Variants in NCF2 observed in about 807,000 individuals in gnomAD.
NCF2 encodes neutrophil cytosol factor 2.
NCF2 carries 45 observed loss-of-function variants against 70.9 expected under a neutral mutation model. The ratio of observed to expected loss-of-function variants is 0.63; its 90% CI spans 0.50 to 0.81. The LOEUF (loss-of-function observed/expected upper bound fraction) is 0.81, where lower values mean the gene tolerates loss of function less well. NCF2 is among the 40% of genes least tolerant of loss of function. The probability of loss-of-function intolerance (pLI) is 0.00; values close to 1 mark genes in which losing one functional copy is unlikely to be tolerated. For missense variants in NCF2, 522 were observed against 631.6 expected, an observed-to-expected ratio of 0.83 and a Z score of 1.86; for synonymous variants, 203 against 233.6, an observed-to-expected ratio of 0.87 and a Z score of 1.19.
chr1:183,599,470 C>CTTTCTTTCTTTCTTTCTTTCTTTCTCT, the NCF2 span, among the ~76,000 whole-genome samples: 2 of 137,152 alleles, frequency 1.5e-5, no homozygotes, highest in African/African-American at 2.9e-5. Context: ...TTCTTTCTTT[C>CTTTCTTTCTTTCTTTCTTTCTTTCTCT]TTTCTTTCTT....
intron 2 of NCF2, 61 bp downstream of exon 2, chr1:183,586,834 A>G (rs1673374442): frequency 2.0e-6 from 3 of 1,502,554 alleles, no homozygotes; most frequent in South Asian, 2.3e-5. Flanking sequence ...AGCCCGCAAC[A>G]CTGAGACCCC....
intron 3 of NCF2, among the ~76,000 whole-genome samples, chr1:183,577,119 G>A (rs1672832484): frequency 6.6e-6 from 1 of 152,182 alleles, no homozygotes; most frequent in South Asian, 2.1e-4. Context: ...AAGTACATGG[G>A]GTAAGAACCA....
At chr1:183,599,423 C>CTTCTTTCTTTTCTTTCTTTCT in the NCF2 span, among the ~76,000 whole-genome samples, 7 of 107,426 alleles carry the variant, frequency 6.5e-5, no homozygotes, top group Non-Finnish European at 1.1e-4. Flanking sequence ...TCTTTCTTTC[C>CTTCTTTCTTTTCTTTCTTTCT]TTCTTTCTTT....
At chr1:183,568,877 G>A (rs1413387307) in intron 7 of NCF2, among the ~76,000 whole-genome samples, 2 of 152,032 alleles carry the variant, frequency 1.3e-5, no homozygotes, top group African/African-American at 2.4e-5. Context: ...GGGACACCAC[G>A]TAGCTGCAGC....
intron 2 of NCF2, among the ~76,000 whole-genome samples, chr1:183,579,657 T>C (rs1672966857): frequency 7.1e-6 from 1 of 141,042 alleles, no homozygotes; most frequent in African/African-American, 2.7e-5. Context: ...GAGAATGGCA[T>C]GAACCCAGGA....
At chr1:183,587,267 G>A (rs1326578542) in intron 1 of NCF2, among the ~76,000 whole-genome samples, 1 of 152,102 alleles carries the variant, frequency 6.6e-6, no homozygotes, top group Non-Finnish European at 1.5e-5. Flanking sequence ...TTCTGCTTTT[G>A]TTAGTCATAT....
At chr1:183,563,101 G>T in intron 13 of NCF2, 94 bp downstream of exon 13, 1 of 1,108,916 alleles carries the variant, frequency 9.0e-7, no homozygotes, top group Non-Finnish European at 1.4e-6. Flanking sequence ...ACCACATATA[G>T]TGCCTAGTAC....
intron 2 of NCF2, among the ~76,000 whole-genome samples, chr1:183,580,429 G>A (rs922692841): frequency 6.6e-6 from 1 of 152,126 alleles, no homozygotes; most frequent in East Asian, 1.9e-4. Context: ...TCGCGAAGAG[G>A]ACAGGCAGAA....
upstream of NCF2, among the ~76,000 whole-genome samples, chr1:183,592,869 G>A (rs542018613): frequency 5.9e-5 from 9 of 152,094 alleles, no homozygotes; most frequent in South Asian, 2.1e-4. Context: ...CTCTTCTCCC[G>A]CTATGCCTTC....
chr1:183,577,785 C>T (rs1238519232), intron 2 of NCF2, 78 bp from the exon 3 acceptor site: 3 of 1,039,902 alleles, frequency 2.9e-6, no homozygotes, highest in Admixed American at 1.7e-5. Context: ...GTCTGCTTCT[C>T]CCTTCCCCAT....
intron 5 of NCF2, among the ~76,000 whole-genome samples, chr1:183,571,114 CTTTTTTTTTT>C (rs66625837): frequency 2.8e-5 from 3 of 106,818 alleles, no homozygotes; most frequent in Non-Finnish European, 5.5e-5. Context: ...ATCAAATTAT[CTTTTTTTTTT>C]TTTTTTTTTT....
At chr1:183,597,347 G>A in the NCF2 span, among the ~76,000 whole-genome samples, 11 of 152,164 alleles carry the variant, frequency 7.2e-5, no homozygotes, top group African/African-American at 2.7e-4. Context: ...GGGAAATGAT[G>A]CTCTAACAAG....
intron 2 of NCF2, among the ~76,000 whole-genome samples, chr1:183,581,294 A>AAAAG (rs1325182682): frequency 3.0e-5 from 4 of 132,536 alleles, no homozygotes; most frequent in African/African-American, 5.8e-5. Context: ...AAAAAAAAAA[A>AAAAG]AAAGAAAGAA....
chr1:183,567,429 T>C, intron 7 of NCF2, 84 bp from the exon 8 acceptor site: 2 of 1,575,378 alleles, frequency 1.3e-6, no homozygotes, highest in Non-Finnish European at 1.7e-6. Context: ...AGCCAGGGAC[T>C]TGGCTCCAGC....
At chr1:183,559,055 T>TAA (rs1399267773) in intron 14 of NCF2, among the ~76,000 whole-genome samples, 1 of 152,204 alleles carries the variant, frequency 6.6e-6, no homozygotes, top group African/African-American at 2.4e-5. Context: ...TGGTGCTTCT[T>TAA]AAGAGTGTAG....
chr1:183,570,677 G>T, intron 6 of NCF2, 103 bp downstream of exon 6: 1 of 1,202,998 alleles, frequency 8.3e-7, no homozygotes. Flanking sequence ...ACTTGAAGGA[G>T]CCCTTACAAT....
chr1:183,590,068 C>T, intron 1 of NCF2, 88 bp downstream of exon 1: 4 of 1,586,182 alleles, frequency 2.5e-6, no homozygotes, highest in Non-Finnish European at 3.5e-6. Flanking sequence ...TCAATCTCCC[C>T]AGAGGTTAGG....
In NCF2 at chr1:183,567,223, G is replaced by T. The variant is rs13306581; in HGVS notation, c.836C>A (p.Thr279Lys). 1 of 1,614,094 alleles carries T rather than the reference G, an allele frequency of 6.2e-7. No individual in the cohort carries two copies. Among genetic ancestry groups the T allele is most frequent in the East Asian group, 2.2e-5 (1 of 44,878 alleles). ...GCATACCTGCCCGTTGAACATGACC[G>T]TGGCCCAGTTATCATTGCCCTTCTT... is the stretch of plus-strand genomic sequence containing the variant. ...VLKKGNDNWA[T>K]VMFNGQKGLV... The change falls in exon 8 of 15, where the codon ACG becomes AAG. Residue 279 changes from threonine to lysine, a missense_variant. Thr to Lys is a moderately conservative substitution (Grantham distance 78, BLOSUM62 -1). Transcript: ENST00000367535.
rs753886533 is a variant in NCF2 at position 183,563,959 on chromosome 1, T to C, written c.1026+46A>G. ...CATGTCTGTGGTTGATAGCCCAAGC[T>C]ATCCCATCTTCTACCACTTGAAACA... On this transcript the variant is annotated intron_variant, in intron 11 of 14. Transcript: ENST00000367535. The C allele has an allele frequency of 3.0e-5, 47 of 1,565,534 alleles. No individual in the cohort carries two copies. In the East Asian group the frequency reaches 1.0e-3, roughly 34 times the overall value.
Sources: gnomAD v4.1 joint callset for allele counts (sites outside exome capture counted in the v4.1 genomes callset) on GRCh38, gnomAD v4.1.1 for gene constraint, MANE v1.5 for transcripts, NCBI Gene and HGNC (gene_info 2026-07-23, HGNC 2026-07-21) for gene names.